Variants in LINGO2 observed in about 807,000 individuals in gnomAD.
LINGO2 encodes leucine rich repeat and Ig domain containing 2, also known as leucine-rich repeat and immunoglobulin-like domain-containing nogo receptor-interacting protein 2.
In LINGO2, 14 loss-of-function variants were observed where a neutral mutation model predicts 30.6. The ratio of observed to expected loss-of-function variants is 0.46; its 90% CI spans 0.30 to 0.72. LINGO2 has a LOEUF of 0.72. Ranked by LOEUF, LINGO2 falls within the 30% of genes least tolerant of loss-of-function variation. The pLI is 0.07. For synonymous variants in LINGO2, 317 were observed against 288.5 expected (o/e 1.10, Z -1.00); for missense variants, 729 against 751.7 (o/e 0.97, Z 0.35).
chr9:28,287,259 T>C (rs1302794740), intron 4 of LINGO2, among the ~76,000 whole-genome samples: 2 of 152,218 alleles, frequency 1.3e-5, no homozygotes, highest in Non-Finnish European at 1.5e-5. Flanking sequence ...CGTACAACAA[T>C]GGTAATTTTC....
chr9:28,316,796 C>T (rs73645639), intron 3 of LINGO2, among the ~76,000 whole-genome samples: 2,045 of 152,136 alleles, frequency 0.013, 35 homozygotes, highest in African/African-American at 0.047. Flanking sequence ...CCAAGAAGGC[C>T]TTTCAGAAAG....
At chr9:28,024,448 C>CAGT (rs1823279390) in intron 4 of LINGO2, among the ~76,000 whole-genome samples, 1 of 152,086 alleles carries the variant, frequency 6.6e-6, no homozygotes, top group Admixed American at 6.5e-5. Flanking sequence ...CTTCTTAGCT[C>CAGT]AGTTTGTGGG....
intron 1 of LINGO2, among the ~76,000 whole-genome samples, chr9:28,617,319 A>G (rs1429802581): frequency 1.4e-5 from 2 of 148,058 alleles, no homozygotes; most frequent in African/African-American, 2.6e-5. Context: ...TTTTCGAGAC[A>G]GAGTCTCGCT....
chr9:28,436,757 A>C (rs1420013127), intron 2 of LINGO2, among the ~76,000 whole-genome samples: 1 of 152,104 alleles, frequency 6.6e-6, no homozygotes, highest in Non-Finnish European at 1.5e-5. Context: ...GCGCCCGGCC[A>C]GGAAGAGTAT....
chr9:28,607,151 G>T (rs1825729357), intron 1 of LINGO2, among the ~76,000 whole-genome samples: 1 of 151,980 alleles, frequency 6.6e-6, no homozygotes. Context: ...TGATCCATTG[G>T]TGACCAGAAA....
chr9:28,911,479 T>G, the LINGO2 span, among the ~76,000 whole-genome samples: 1 of 152,070 alleles, frequency 6.6e-6, no homozygotes, highest in African/African-American at 2.4e-5. Context: ...TTTTTCCTAC[T>G]ATCTAGAAAG....
chr9:28,987,017 G>A, the LINGO2 span, among the ~76,000 whole-genome samples: 1,460 of 145,902 alleles, frequency 0.01, 31 homozygotes, highest in African/African-American at 0.035. Flanking sequence ...TGATACTTCT[G>A]TGTGTTGACT....
At chr9:28,357,972 A>T (rs1201910417) in intron 3 of LINGO2, among the ~76,000 whole-genome samples, 1 of 152,158 alleles carries the variant, frequency 6.6e-6, no homozygotes, top group Non-Finnish European at 1.5e-5. Flanking sequence ...GGGTAACTTA[A>T]TTAAGACTTT....
the LINGO2 span, among the ~76,000 whole-genome samples, chr9:28,912,176 A>G: frequency 5.5e-4 from 83 of 152,274 alleles, no homozygotes; most frequent in Non-Finnish European, 8.8e-4. Context: ...TTATAATTGC[A>G]ATAATTTATC....
chr9:28,195,527 C>T (rs28709108), intron 4 of LINGO2, among the ~76,000 whole-genome samples: 4 of 107,634 alleles, frequency 3.7e-5, no homozygotes, highest in Admixed American at 8.6e-5. Context: ...AAATAAATAT[C>T]ATAATTATAA....
the LINGO2 span, among the ~76,000 whole-genome samples, chr9:28,915,854 C>T: frequency 6.6e-6 from 1 of 152,188 alleles, no homozygotes; most frequent in African/African-American, 2.4e-5. Flanking sequence ...ATGGTAATCA[C>T]ATTAATACAT....
the LINGO2 span, among the ~76,000 whole-genome samples, chr9:28,850,095 A>G: frequency 6.6e-6 from 1 of 152,000 alleles, no homozygotes; most frequent in Non-Finnish European, 1.5e-5. Context: ...TTAAAGGAGT[A>G]TGGATACTTA....
At chr9:28,081,140 A>G (rs550469726) in intron 4 of LINGO2, among the ~76,000 whole-genome samples, 2 of 152,260 alleles carry the variant, frequency 1.3e-5, no homozygotes, top group Non-Finnish European at 2.9e-5. Flanking sequence ...TGTTCTAGGC[A>G]TTGTTGAATA....
intron 3 of LINGO2, among the ~76,000 whole-genome samples, chr9:28,305,658 G>A (rs532633823): frequency 1.3e-5 from 2 of 151,944 alleles, no homozygotes; most frequent in South Asian, 2.1e-4. Context: ...CTTTCACAAC[G>A]TACATACAAG....
chr9:28,772,797 T>C, the LINGO2 span, among the ~76,000 whole-genome samples: 1 of 152,054 alleles, frequency 6.6e-6, no homozygotes, highest in Non-Finnish European at 1.5e-5. Flanking sequence ...TAAATACAAA[T>C]AGTGAAGGAG....
At chr9:28,188,358 C>G (rs748403881) in intron 4 of LINGO2, among the ~76,000 whole-genome samples, 2 of 152,144 alleles carry the variant, frequency 1.3e-5, no homozygotes, top group Non-Finnish European at 2.9e-5. Flanking sequence ...CTTTCAGATG[C>G]AGCAGCTCCT....
chr9:28,536,502 T>A (rs1052874422), intron 1 of LINGO2, among the ~76,000 whole-genome samples: 1 of 152,088 alleles, frequency 6.6e-6, no homozygotes, highest in Non-Finnish European at 1.5e-5. Flanking sequence ...GACAGCCCCT[T>A]ACCCATAGCC....
At chr9:29,196,663 T>G in the LINGO2 span, among the ~76,000 whole-genome samples, 1 of 152,028 alleles carries the variant, frequency 6.6e-6, no homozygotes, top group African/African-American at 2.4e-5. Context: ...GCCTATAGTC[T>G]AATTTGAGAT....
At chr9:28,048,972 T>C (rs1428081974) in intron 4 of LINGO2, among the ~76,000 whole-genome samples, 1 of 151,004 alleles carries the variant, frequency 6.6e-6, no homozygotes, top group Non-Finnish European at 1.5e-5. Flanking sequence ...AGGCAAAAAG[T>C]ACTAATAGCA....
Sources: gnomAD v4.1 joint callset for allele counts (sites outside exome capture counted in the v4.1 genomes callset) on GRCh38, gnomAD v4.1.1 for gene constraint, MANE v1.5 for transcripts, NCBI Gene and HGNC (gene_info 2026-07-23, HGNC 2026-07-21) for gene names.